Variants in R3HCC1L observed in about 807,000 individuals in gnomAD.
R3HCC1L encodes coiled-coil domain-containing protein R3HCC1L.
Under a neutral mutation model 59.9 loss-of-function variants are expected in R3HCC1L, and 51 were observed. That is an observed-to-expected ratio of 0.85 (90% CI 0.68 to 1.07). R3HCC1L has a LOEUF of 1.07. Ranked by LOEUF, R3HCC1L falls within the 50% of genes least tolerant of loss-of-function variation. The pLI, the probability that R3HCC1L is intolerant of heterozygous loss-of-function variation, is 0.00. For synonymous variants in R3HCC1L, 322 were observed against 315.2 expected (o/e 1.02, Z -0.23); for missense variants, 965 against 933.0 (o/e 1.03, Z -0.45).
rs373763783 is a variant in R3HCC1L at position 98,189,469 on chromosome 10, G to T, written c.-14-18632G>T. 3.3e-5 allele frequency among the ~76,000 whole-genome samples: 5 copies of T among 152,290 alleles called. No individual in the cohort carries two copies. In the South Asian group the frequency reaches 1.0e-3, roughly 32 times the overall value. ...ATCTATGTAAGGTCTCTCAGTGAGT[G>T]TCTACCTGGGTTAAAAGCTTATTTC... On this transcript the variant is annotated intron_variant, in intron 4 of 9. Transcript: ENST00000298999.
chr10:98,210,965 A>C (rs1853497836), intron 5 of R3HCC1L, among the ~76,000 whole-genome samples: 1 of 152,214 alleles, frequency 6.6e-6, no homozygotes. Flanking sequence ...ACTTTCCAAT[A>C]CCAAGCAATC....
intron 4 of R3HCC1L, among the ~76,000 whole-genome samples, chr10:98,203,633 G>C (rs1852287936): frequency 6.6e-6 from 1 of 152,198 alleles, no homozygotes; most frequent in African/African-American, 2.4e-5. Flanking sequence ...GTTGTTGATT[G>C]AAGAGGGATC....
intron 5 of R3HCC1L, among the ~76,000 whole-genome samples, chr10:98,226,881 A>T (rs10748719): frequency 6.6e-6 from 1 of 152,050 alleles, no homozygotes; most frequent in Non-Finnish European, 1.5e-5. Flanking sequence ...AAGGCAAAAC[A>T]GTTTATGTAT....
intron 1 of R3HCC1L, among the ~76,000 whole-genome samples, chr10:98,139,617 T>C (rs988220889): frequency 6.6e-6 from 1 of 152,228 alleles, no homozygotes; most frequent in African/African-American, 2.4e-5. Flanking sequence ...CTTATTGAAT[T>C]ACAGAGAAAT....
chr10:98,171,122 A>G (rs1848466949), intron 4 of R3HCC1L, among the ~76,000 whole-genome samples: 1 of 152,236 alleles, frequency 6.6e-6, no homozygotes. Flanking sequence ...TCCAAGGATG[A>G]AAACAGAATG....
In R3HCC1L at chr10:98,208,581, C is replaced by T. The variant is rs1402227057; in HGVS notation, c.467C>T (p.Thr156Ile). The T allele has an allele frequency of 4.3e-6, 7 of 1,614,086 alleles. No individual in the cohort carries two copies. Among genetic ancestry groups the T allele is most frequent in the Non-Finnish European group, 5.9e-6 (7 of 1,180,004 alleles). Residue 156 changes from threonine (T) to isoleucine (I), a missense_variant, in exon 5 of 10, where the codon ACA (threonine) becomes ATA (isoleucine). Transcript: ENST00000298999. ...TTGGAAGTTGAAACTACGGATGTGA[C>T]AGGACATGAGAGGATACTTCTTTCA... is the stretch of plus-strand genomic sequence containing the variant. Reference protein sequence around the residue: ...ECLEVETTDVTGHERILLSQA... With the variant: ...ECLEVETTDVIGHERILLSQA...
At chr10:98,179,170 G>T (rs1439315088) in intron 4 of R3HCC1L, among the ~76,000 whole-genome samples, 1 of 152,140 alleles carries the variant, frequency 6.6e-6, no homozygotes, top group African/African-American at 2.4e-5. Context: ...TCCAGTTTTT[G>T]CCCATTCAGT....
intron 4 of R3HCC1L, among the ~76,000 whole-genome samples, chr10:98,201,217 C>T (rs1284884461): frequency 2.0e-5 from 3 of 152,102 alleles, no homozygotes; most frequent in African/African-American, 2.4e-5. Context: ...GAATTAAAAG[C>T]CTGTCTGTTG....
chr10:98,179,084 A>T (rs1407883093), intron 4 of R3HCC1L, among the ~76,000 whole-genome samples: 1 of 152,204 alleles, frequency 6.6e-6, no homozygotes, highest in African/African-American at 2.4e-5. Context: ...CCCTGGCCAG[A>T]ACTTCCAACA....
At chr10:98,174,862 T>C (rs1848848048) in intron 4 of R3HCC1L, 1 of 797,806 alleles carries the variant, frequency 1.3e-6, no homozygotes, top group South Asian at 5.7e-5. Flanking sequence ...TTCTTACATA[T>C]TGATGTTCGT....
chr10:98,187,833 C>A (rs574741742), intron 4 of R3HCC1L, among the ~76,000 whole-genome samples: 73 of 148,614 alleles, frequency 4.9e-4, no homozygotes, highest in Non-Finnish European at 9.5e-4. Flanking sequence ...AACTCCTGGG[C>A]TTAGGTGATC....
At chr10:98,183,475 A>C (rs1323769183) in intron 4 of R3HCC1L, among the ~76,000 whole-genome samples, 2 of 151,742 alleles carry the variant, frequency 1.3e-5, no homozygotes, top group African/African-American at 4.8e-5. Context: ...GATGCTGCCT[A>C]GTGTTCTCTG....
intron 5 of R3HCC1L, among the ~76,000 whole-genome samples, chr10:98,222,892 C>G (rs1855203843): frequency 6.6e-6 from 1 of 152,218 alleles, no homozygotes; most frequent in Admixed American, 6.5e-5. Flanking sequence ...AAACTACCAT[C>G]AGAGAATACT....
In R3HCC1L at chr10:98,209,555, A is replaced by G. The variant is rs778565538; in HGVS notation, c.1441A>G (p.Ser481Gly). 5.6e-6 allele frequency: 9 copies of G among 1,613,864 alleles called. No individual in the cohort carries two copies. The highest frequency in any genetic ancestry group is 6.8e-6 in the Non-Finnish European group (8 of 1,179,960). ...CTTACCTATAAAAAAGATTGCTGGT[A>G]GTAATTATAACACTTTTTTGGACTC... Reference protein sequence around the residue: ...SSLPIKKIAGSNYNTFLDSEL... With the variant: ...SSLPIKKIAGGNYNTFLDSEL... The change falls in exon 5 of 10, where the codon AGT becomes GGT. Residue 481 changes from serine (S) to glycine (G), a missense_variant. Transcript: ENST00000298999.
intron 5 of R3HCC1L, among the ~76,000 whole-genome samples, chr10:98,210,794 C>A (rs1292033767): frequency 1.3e-5 from 2 of 152,196 alleles, no homozygotes; most frequent in East Asian, 3.8e-4. Context: ...GAGACTATTT[C>A]CTCACCTAAA....
chr10:98,220,027 T>G (rs1854685166), intron 5 of R3HCC1L, among the ~76,000 whole-genome samples: 3 of 152,210 alleles, frequency 2.0e-5, no homozygotes, highest in Admixed American at 2.0e-4. Flanking sequence ...TATTTGTCAC[T>G]TTGTGATGTC....
At chr10:98,137,466 A>G (rs1453580830) in intron 1 of R3HCC1L, among the ~76,000 whole-genome samples, 2 of 152,228 alleles carry the variant, frequency 1.3e-5, no homozygotes, top group Non-Finnish European at 2.9e-5. Flanking sequence ...GATTATGATA[A>G]TAGTGATGAT....
chr10:98,172,048 T>G (rs1255695996), intron 4 of R3HCC1L, among the ~76,000 whole-genome samples: 4 of 152,222 alleles, frequency 2.6e-5, no homozygotes, highest in Non-Finnish European at 5.9e-5. Context: ...TAATCTGTCC[T>G]AGTTTTAATC....
chr10:98,225,781 T>A (rs931086325), intron 5 of R3HCC1L, among the ~76,000 whole-genome samples: 1 of 152,198 alleles, frequency 6.6e-6, no homozygotes, highest in Non-Finnish European at 1.5e-5. Flanking sequence ...GCTGACTAGA[T>A]TAGAGCAAAG....
Sources: allele counts gnomAD v4.1 joint callset (sites outside exome capture counted in the v4.1 genomes callset), GRCh38; gene constraint gnomAD v4.1.1; transcripts MANE v1.5; gene names NCBI Gene and HGNC (gene_info 2026-07-23, HGNC 2026-07-21).